RFTN1: variants seen among roughly 807,000 people sequenced by gnomAD.
RFTN1 encodes the protein raftlin, lipid raft linker 1.
In RFTN1, 26 loss-of-function variants were observed where a neutral mutation model predicts 46.5. The observed-to-expected ratio is 0.56, with a 90% confidence interval of 0.41 to 0.78. The LOEUF is 0.78. Among genes scored for constraint, RFTN1 ranks in the 30% least tolerant of loss-of-function variants. RFTN1 has a pLI of 0.00. For missense variants in RFTN1, 693 were observed against 718.7 expected (o/e 0.96, Z 0.41); for synonymous variants, 261 against 284.2 (o/e 0.92, Z 0.82).
intron 5 of RFTN1, among the ~76,000 whole-genome samples, chr3:16,371,764 C>T (rs569767337): frequency 6.6e-5 from 10 of 152,350 alleles, no homozygotes; most frequent in South Asian, 2.1e-4. Context: ...ATCATCCCCA[C>T]GCCAAGTTGC....
chr3:16,472,756 T>A (rs1427591571), intron 2 of RFTN1, among the ~76,000 whole-genome samples: 2 of 152,190 alleles, frequency 1.3e-5, no homozygotes, highest in African/African-American at 4.8e-5. Flanking sequence ...ATGATGATCT[T>A]CACAGGCTGA....
chr3:16,487,843 C>T (rs2076474827), intron 2 of RFTN1, among the ~76,000 whole-genome samples: 1 of 152,328 alleles, frequency 6.6e-6, no homozygotes, highest in African/African-American at 2.4e-5. Context: ...AATTGTGATG[C>T]TTTATGGGCC....
At chr3:16,318,431 G>A (rs1371689371) in intron 9 of RFTN1, among the ~76,000 whole-genome samples, 1 of 152,174 alleles carries the variant, frequency 6.6e-6, no homozygotes, top group Non-Finnish European at 1.5e-5. Flanking sequence ...CCATCAGTGG[G>A]AAATGATTTC....
intron 6 of RFTN1, among the ~76,000 whole-genome samples, chr3:16,362,020 G>A (rs139775966): frequency 6.6e-6 from 1 of 152,290 alleles, no homozygotes; most frequent in Non-Finnish European, 1.5e-5. Flanking sequence ...CAGAATTATT[G>A]GAGCAATAGC....
At chr3:16,490,829 C>T (rs940634413) in intron 2 of RFTN1, among the ~76,000 whole-genome samples, 22 of 152,124 alleles carry the variant, frequency 1.4e-4, no homozygotes, top group African/African-American at 5.3e-4. Context: ...TCATACTTTC[C>T]GAGCATAGGC....
chr3:16,380,130 A>G lies in RFTN1; in HGVS notation c.442-2028T>C, dbSNP rs1284951336. Among the ~76,000 whole-genome samples the G allele has an allele frequency of 3.9e-5, 6 of 152,254 alleles. No individual in the cohort carries two copies. Among genetic ancestry groups the G allele is most frequent in the Non-Finnish European group, 2.9e-5 (2 of 68,044 alleles). On this transcript the variant is annotated intron_variant, in intron 4 of 9. Transcript: ENST00000334133. The surrounding 1 kb of genome is among the most constrained non-coding windows in gnomAD (Gnocchi z 4.8). ...GTCACGGAAATAGCATGAAGTTTAAAGGCTTTTGGAAAGGCCTGATGTGGA... is the reference window on the plus strand; with the variant it reads ...GTCACGGAAATAGCATGAAGTTTAAGGGCTTTTGGAAAGGCCTGATGTGGA...
chr3:16,437,651 CTAAATAAA>C (rs561853711), intron 2 of RFTN1, among the ~76,000 whole-genome samples: 69 of 151,808 alleles, frequency 4.5e-4, no homozygotes, highest in African/African-American at 1.2e-3. Context: ...GACAGAGTTA[CTAAATAAA>C]TAAATAAATA....
intron 2 of RFTN1, among the ~76,000 whole-genome samples, chr3:16,493,384 AC>A (rs1298117491): frequency 1.3e-5 from 2 of 151,992 alleles, no homozygotes; most frequent in Non-Finnish European, 1.5e-5. Flanking sequence ...GGCACCCGCC[AC>A]CACGCCTGGC....
intron 2 of RFTN1, 105 bp from the exon 3 acceptor site, chr3:16,434,142 T>C: frequency 1.1e-6 from 1 of 940,336 alleles, no homozygotes; most frequent in Non-Finnish European, 1.5e-6. Flanking sequence ...TCTAGGTCAC[T>C]GCTAAAATGA....
chr3:16,464,402 C>T (rs1373704205), intron 2 of RFTN1, among the ~76,000 whole-genome samples: 1 of 152,196 alleles, frequency 6.6e-6, no homozygotes, highest in Non-Finnish European at 1.5e-5. Flanking sequence ...TGTTTCAACA[C>T]TTCCCAGATT....
In RFTN1 at chr3:16,483,698, A is replaced by G. The variant is rs964702089; in HGVS notation, c.145+10027T>C. 6.6e-6 allele frequency among the ~76,000 whole-genome samples: 1 copy of G among 152,132 alleles called. No individual in the cohort carries two copies. Among genetic ancestry groups the G allele is most frequent in the African/African-American group, 2.4e-5 (1 of 41,420 alleles). Reference sequence around the variant, plus strand: ...AGGTAGGTAAGTAAACATTTGTTGAATTTATTTTATACTCAAAAGATCACA... The same window carrying G: ...AGGTAGGTAAGTAAACATTTGTTGAGTTTATTTTATACTCAAAAGATCACA... On this transcript the variant is annotated intron_variant, in intron 2 of 9. Coordinates refer to ENST00000334133, the MANE Select transcript of RFTN1 (RefSeq NM_015150.2). This position sits in a 1 kb window ranked among gnomAD's most constrained non-coding sequence, Gnocchi z 4.8.
chr3:16,388,687 G>GAA lies in RFTN1; in HGVS notation c.442-10587_442-10586dup, dbSNP rs1406577277. 2.6e-5 allele frequency among the ~76,000 whole-genome samples: 4 copies of GAA among 152,074 alleles called. No homozygotes were observed. In the East Asian group the frequency reaches 7.7e-4, roughly 29 times the overall value. On this transcript the variant is annotated intron_variant, in intron 4 of 9. Transcript: ENST00000334133. ...AATCTTCCCCTCAGGAAAAAGAAAA[G>GAA]AAGTAGCAATAAGCAATTTGTTAAT...
chr3:16,462,595 A>G (rs1321113761), intron 2 of RFTN1, among the ~76,000 whole-genome samples: 2 of 152,248 alleles, frequency 1.3e-5, no homozygotes, highest in African/African-American at 2.4e-5. Context: ...CTACGAGCCA[A>G]TGAATGCAGA....
intron 2 of RFTN1, among the ~76,000 whole-genome samples, chr3:16,461,510 T>C (rs1457062963): frequency 1.3e-5 from 2 of 152,168 alleles, no homozygotes; most frequent in African/African-American, 2.4e-5. Context: ...TCTGTACTAA[T>C]TGAACACACT....
At chr3:16,393,722 G>A (rs553954300) in intron 4 of RFTN1, among the ~76,000 whole-genome samples, 25 of 151,002 alleles carry the variant, frequency 1.7e-4, no homozygotes, top group Middle Eastern at 3.4e-3. Flanking sequence ...GCAGTGGCAC[G>A]GTCTTGGCTT....
In RFTN1 at chr3:16,440,189, T is replaced by C. The variant is rs1045864803; in HGVS notation, c.146-6152A>G. 1.3e-5 allele frequency among the ~76,000 whole-genome samples: 2 copies of C among 152,102 alleles called. No homozygotes were observed. Among genetic ancestry groups the C allele is most frequent in the Non-Finnish European group, 2.9e-5 (2 of 68,000 alleles). On this transcript the variant is annotated intron_variant, in intron 2 of 9. Coordinates refer to ENST00000334133, the MANE Select transcript of RFTN1 (RefSeq NM_015150.2). The surrounding 1 kb of genome is among the most constrained non-coding windows in gnomAD (Gnocchi z 4.6). ...CACTTTTTCTCCACTTTCTAATCTGTCAGGTTCTATAGTTTTTATCTACAG... is the reference window on the plus strand; with the variant it reads ...CACTTTTTCTCCACTTTCTAATCTGCCAGGTTCTATAGTTTTTATCTACAG...
At chr3:16,389,341 GT>G (rs2074291668) in intron 4 of RFTN1, among the ~76,000 whole-genome samples, 1 of 152,178 alleles carries the variant, frequency 6.6e-6, no homozygotes, top group South Asian at 2.1e-4. Flanking sequence ...TCATTACAGT[GT>G]GCTAAAAAAA....
intron 7 of RFTN1, among the ~76,000 whole-genome samples, chr3:16,328,537 G>T (rs1269465742): frequency 6.6e-6 from 1 of 152,164 alleles, no homozygotes; most frequent in Non-Finnish European, 1.5e-5. Context: ...TGAACCCTTG[G>T]CGACTAATTT....
rs773197359 is a variant in RFTN1 at position 16,448,814 on chromosome 3, C to T, written c.146-14777G>A. Among the ~76,000 whole-genome samples, 63 of 152,162 alleles carry T rather than the reference C, an allele frequency of 4.1e-4. No homozygotes were observed. The highest frequency in any genetic ancestry group is 5.6e-4 in the Non-Finnish European group (38 of 68,020). The stretch of plus-strand genomic sequence containing the variant: ...CACCCCATGCGGGGATTACAGGCTG[C>T]GACTCACTGCTCTAGCAAAACTAGA... On this transcript the variant is annotated intron_variant, in intron 2 of 9. Coordinates refer to ENST00000334133, the MANE Select transcript of RFTN1 (RefSeq NM_015150.2). This position sits in a 1 kb window ranked among gnomAD's most constrained non-coding sequence, Gnocchi z 4.1.
Sources: gnomAD v4.1 joint callset for allele counts (sites outside exome capture counted in the v4.1 genomes callset) on GRCh38, gnomAD v4.1.1 for gene constraint, Gnocchi (gnomAD v3.1) non-coding constraint, MANE v1.5 for transcripts, NCBI Gene and HGNC (gene_info 2026-07-23, HGNC 2026-07-21) for gene names.